STOX2: variants seen among roughly 807,000 people sequenced by gnomAD.
STOX2 encodes the protein storkhead box 2.
Under a neutral mutation model 60.9 loss-of-function variants are expected in STOX2, and 28 were observed. The observed-to-expected ratio is 0.46, with a 90% CI of 0.34 to 0.63. The LOEUF is 0.63. Among genes scored for constraint, STOX2 ranks in the 30% least tolerant of loss-of-function variants. The pLI is 0.01. For missense variants in STOX2, 1,024 were observed against 1,187.7 expected, an observed-to-expected ratio of 0.86 and a Z score of 2.03; for synonymous variants, 472 against 463.9, an observed-to-expected ratio of 1.02 and a Z score of -0.22.
intron 1 of STOX2, among the ~76,000 whole-genome samples, chr4:183,936,337 C>T (rs1003059564): frequency 3.9e-5 from 6 of 152,044 alleles, no homozygotes; most frequent in Admixed American, 1.3e-4. Context: ...TGCTTCAGCA[C>T]CGCTTTTCTT....
intron 1 of STOX2, among the ~76,000 whole-genome samples, chr4:183,840,952 C>T (rs988982774): frequency 6.6e-6 from 1 of 152,166 alleles, no homozygotes; most frequent in Non-Finnish European, 1.5e-5. Context: ...GCTGCAATCT[C>T]CGCCTCCTGG....
At chr4:184,000,448 C>T (rs1378875405) in intron 1 of STOX2, among the ~76,000 whole-genome samples, 3 of 152,138 alleles carry the variant, frequency 2.0e-5, no homozygotes, top group Non-Finnish European at 4.4e-5. Flanking sequence ...TCCCAGCCAT[C>T]ATCCCCACGG....
intron 1 of STOX2, among the ~76,000 whole-genome samples, chr4:183,989,023 C>G (rs1732972163): frequency 6.6e-6 from 1 of 152,196 alleles, no homozygotes; most frequent in African/African-American, 2.4e-5. Flanking sequence ...CATCCCAGAG[C>G]TGCTCACGGG....
intron 1 of STOX2, among the ~76,000 whole-genome samples, chr4:183,958,060 A>G (rs1560904898): frequency 6.6e-6 from 1 of 151,646 alleles, no homozygotes; most frequent in Admixed American, 6.6e-5. Context: ...GGGGGATGGT[A>G]GAATGGTATT....
intron 1 of STOX2, among the ~76,000 whole-genome samples, chr4:183,963,636 G>T (rs1743476172): frequency 1.3e-5 from 2 of 151,594 alleles, no homozygotes. Flanking sequence ...ATGTTGGCCA[G>T]GCTGGTTTCG....
chr4:183,851,163 A>AGG (rs534461732), intron 1 of STOX2, among the ~76,000 whole-genome samples: 1 of 51,394 alleles, frequency 1.9e-5, no homozygotes, highest in African/African-American at 6.5e-5. Flanking sequence ...AGAAACGATG[A>AGG]GAAAGGATGA....
intron 1 of STOX2, among the ~76,000 whole-genome samples, chr4:183,964,126 T>C (rs946128420): frequency 2.0e-5 from 3 of 152,230 alleles, no homozygotes; most frequent in African/African-American, 7.2e-5. Flanking sequence ...GTCTGAAATG[T>C]ACTTCTGTTC....
chr4:183,865,170 C>T lies in STOX2; in HGVS notation c.364+67115C>T, dbSNP rs1030432662. 6.6e-6 allele frequency among the ~76,000 whole-genome samples: 1 copy of T among 152,238 alleles called. No individual in the cohort carries two copies. The highest frequency in any genetic ancestry group is 1.5e-5 in the Non-Finnish European group (1 of 68,048). On this transcript the variant is annotated intron_variant, in intron 1 of 2. Coordinates refer to the STOX2 transcript ENST00000513034. This position sits in a 1 kb window ranked among gnomAD's most constrained non-coding sequence, Gnocchi z 4.1. ...CTGTCTCTGCTACTTGAGGCTCACA[C>T]CTGTATGTGCATTTGTGTGCCCATG...
intron 1 of STOX2, among the ~76,000 whole-genome samples, chr4:183,832,436 A>G (rs1006794271): frequency 2.6e-5 from 4 of 151,756 alleles, no homozygotes; most frequent in African/African-American, 9.7e-5. Context: ...CAGTTTTTTA[A>G]AACTCTAGAA....
At position 184,023,489 on chromosome 4, in the gene STOX2, G is replaced by C. The variant is rs1734668139; in HGVS notation, c.*6205G>C. The C allele has an allele frequency of 6.6e-6, 1 of 152,116 alleles. No homozygotes were observed. The highest frequency in any genetic ancestry group is 2.1e-4 in the South Asian group (1 of 4,824). The allele number at this position is 152,116 out of a possible 1,614,324, so 9.4% of individuals were successfully genotyped here. On this transcript the variant is annotated 3_prime_UTR_variant, in exon 4 of 4. Coordinates refer to ENST00000308497, the MANE Select transcript of STOX2 (RefSeq NM_020225.3). ...TTGTGTGAAATATCCATTTTGGATT[G>C]TGTTACTTTTTAAGATATTAAATAA... is the stretch of plus-strand genomic sequence containing the variant.
chr4:183,990,115 C>T (rs1277790310), intron 1 of STOX2, among the ~76,000 whole-genome samples: 4 of 152,150 alleles, frequency 2.6e-5, no homozygotes, highest in Non-Finnish European at 4.4e-5. Flanking sequence ...TTCAGAGCAA[C>T]GTTGAGGATG....
chr4:183,856,699 A>G lies in STOX2; in HGVS notation c.364+58644A>G, dbSNP rs1389834959. Among the ~76,000 whole-genome samples, 2 of 152,286 alleles carry G rather than the reference A, an allele frequency of 1.3e-5. No homozygotes were observed. Among genetic ancestry groups the G allele is most frequent in the East Asian group, 3.9e-4 (2 of 5,176 alleles). ...ATGATAGCTCCCTTGCCCAAGAATA[A>G]TGGGGTGTTTTGTTGTTACAGAAGA... On this transcript the variant is annotated intron_variant, in intron 1 of 2. Transcript: ENST00000513034. This position sits in a 1 kb window ranked among gnomAD's most constrained non-coding sequence, Gnocchi z 4.0.
chr4:183,899,018 T>C (rs1243188065), intron 1 of STOX2, among the ~76,000 whole-genome samples: 4 of 152,224 alleles, frequency 2.6e-5, no homozygotes, highest in African/African-American at 9.6e-5. Context: ...CTGTGTCACA[T>C]TGTGGCAGTT....
chr4:183,924,236 A>C (rs1579422812), intron 1 of STOX2, among the ~76,000 whole-genome samples: 1 of 152,128 alleles, frequency 6.6e-6, no homozygotes, highest in Admixed American at 6.5e-5. Flanking sequence ...GTCTTATTAA[A>C]GAGTCAGGAT....
chr4:183,893,248 A>G (rs1259178357), intron 1 of STOX2, among the ~76,000 whole-genome samples: 4 of 152,102 alleles, frequency 2.6e-5, no homozygotes, highest in Non-Finnish European at 5.9e-5. Flanking sequence ...CCACAGCCCC[A>G]GGTAAGCGGC....
At chr4:183,824,582 G>A (rs1289750894) in intron 1 of STOX2, among the ~76,000 whole-genome samples, 1 of 152,144 alleles carries the variant, frequency 6.6e-6, no homozygotes, top group East Asian at 1.9e-4. Flanking sequence ...ATATTATTGT[G>A]TGATTATAGA....
At chr4:183,935,504 G>A (rs1186493399) in intron 1 of STOX2, among the ~76,000 whole-genome samples, 1 of 152,220 alleles carries the variant, frequency 6.6e-6, no homozygotes, top group Non-Finnish European at 1.5e-5. Context: ...GAAGTGAGAG[G>A]GACAGAAGGC....
At chr4:183,921,882 CAA>C (rs1483412220) in intron 1 of STOX2, among the ~76,000 whole-genome samples, 4 of 152,158 alleles carry the variant, frequency 2.6e-5, no homozygotes, top group Admixed American at 2.6e-4. Context: ...AAATATAACA[CAA>C]AGTTGTCAGC....
intron 3 of STOX2, among the ~76,000 whole-genome samples, chr4:184,012,060 C>G (rs1734194127): frequency 6.6e-6 from 1 of 152,174 alleles, no homozygotes; most frequent in Admixed American, 6.5e-5. Context: ...ATGTTTATTT[C>G]TCCTCCTGCA....
Sources: allele counts gnomAD v4.1 joint callset (sites outside exome capture counted in the v4.1 genomes callset), GRCh38; gene constraint gnomAD v4.1.1; non-coding constraint Gnocchi (gnomAD v3.1); transcripts MANE v1.5; gene names NCBI Gene and HGNC (gene_info 2026-07-23, HGNC 2026-07-21).